The following CNTN4 variants were observed in gnomAD, a reference collection of about 807,000 sequenced individuals.
CNTN4 encodes contactin 4.
Under a neutral mutation model 122.5 loss-of-function variants are expected in CNTN4, and 77 were observed. The ratio of observed to expected loss-of-function variants is 0.63; its 90% confidence interval spans 0.52 to 0.76. The LOEUF (loss-of-function observed/expected upper bound fraction) is 0.76, where lower values mean the gene tolerates loss of function less well. Among genes scored for constraint, CNTN4 ranks in the 30% least tolerant of loss-of-function variants. The pLI, the probability that CNTN4 is intolerant of heterozygous loss-of-function variation, is 0.00. For missense variants in CNTN4, 1,256 were observed against 1,259.1 expected (o/e 1.00, Z 0.04); for synonymous variants, 512 against 447.0 (o/e 1.15, Z -1.83).
rs182189678 is a variant in CNTN4 at position 2,471,948 on chromosome 3, A to T, written c.-88-99468A>T. Among the ~76,000 whole-genome samples, 8 of 152,288 alleles carry T rather than the reference A, an allele frequency of 5.3e-5. No homozygotes were observed. In the East Asian group the frequency reaches 1.5e-3, roughly 29 times the overall value. On this transcript the variant is annotated intron_variant, in intron 3 of 24. Coordinates refer to ENST00000418658, the MANE Select transcript of CNTN4 (RefSeq NM_175607.3). The stretch of plus-strand genomic sequence containing the variant: ...AAAATGTGATCTGAGTAATTTTGAC[A>T]TCAAGAATCCCATAGATGTGAAGTA...
intron 2 of CNTN4, among the ~76,000 whole-genome samples, chr3:2,285,317 G>A (rs1458850727): frequency 1.3e-5 from 2 of 152,008 alleles, no homozygotes; most frequent in Non-Finnish European, 2.9e-5. Flanking sequence ...AACCAAAATA[G>A]TTTATCTGGT....
chr3:2,516,444 C>T (rs1401225268), intron 3 of CNTN4, among the ~76,000 whole-genome samples: 1 of 152,010 alleles, frequency 6.6e-6, no homozygotes, highest in Non-Finnish European at 1.5e-5. Flanking sequence ...CAAGCAGCTT[C>T]AGGGACATTG....
intron 6 of CNTN4, among the ~76,000 whole-genome samples, chr3:2,749,320 C>T (rs1225663028): frequency 1.5e-5 from 2 of 136,372 alleles, no homozygotes; most frequent in Admixed American, 1.7e-4. Context: ...ACCACCATGC[C>T]CAGATAAGTT....
At chr3:2,381,171 A>T (rs892984762) in intron 3 of CNTN4, among the ~76,000 whole-genome samples, 4 of 151,344 alleles carry the variant, frequency 2.6e-5, no homozygotes, top group African/African-American at 7.3e-5. Context: ...ACACCCGGCT[A>T]ATTTTTTTGT....
At chr3:2,416,640 G>A (rs901066657) in intron 3 of CNTN4, among the ~76,000 whole-genome samples, 5 of 152,048 alleles carry the variant, frequency 3.3e-5, no homozygotes, top group Non-Finnish European at 2.9e-5. Context: ...AAAAATCAGA[G>A]GGCTTTCCAG....
chr3:2,361,528 C>T (rs991833794), intron 3 of CNTN4, among the ~76,000 whole-genome samples: 7 of 152,164 alleles, frequency 4.6e-5, no homozygotes, highest in African/African-American at 1.7e-4. Flanking sequence ...ACCCTGGGGT[C>T]ATTCTGTGAC....
At chr3:2,529,026 G>A (rs953526172) in intron 3 of CNTN4, among the ~76,000 whole-genome samples, 2 of 152,146 alleles carry the variant, frequency 1.3e-5, no homozygotes, top group Non-Finnish European at 2.9e-5. Flanking sequence ...TACTCGTACA[G>A]TGCTATGGAA....
chr3:2,714,558 G>A (rs1056208738), intron 4 of CNTN4, among the ~76,000 whole-genome samples: 3 of 152,050 alleles, frequency 2.0e-5, no homozygotes, highest in East Asian at 1.9e-4. Flanking sequence ...GGAACCCATG[G>A]TCCAAAGACC....
intron 3 of CNTN4, among the ~76,000 whole-genome samples, chr3:2,534,914 A>G (rs2077740944): frequency 1.3e-5 from 2 of 148,550 alleles, no homozygotes; most frequent in South Asian, 4.3e-4. Context: ...AAGATTTAGC[A>G]TCTGAAACGA....
At chr3:2,936,234 A>G (rs922037254) in intron 13 of CNTN4, among the ~76,000 whole-genome samples, 7 of 152,138 alleles carry the variant, frequency 4.6e-5, no homozygotes, top group African/African-American at 1.7e-4. Context: ...TCAACTTCCT[A>G]AGGCAGTGTT....
intron 11 of CNTN4, among the ~76,000 whole-genome samples, chr3:2,902,590 T>A (rs905740925): frequency 1.3e-5 from 2 of 152,198 alleles, no homozygotes; most frequent in African/African-American, 4.8e-5. Context: ...CAAGTTATTC[T>A]ATTTAGAGAG....
At chr3:2,352,832 G>C (rs2044692510) in intron 3 of CNTN4, among the ~76,000 whole-genome samples, 1 of 152,206 alleles carries the variant, frequency 6.6e-6, no homozygotes, top group South Asian at 2.1e-4. Flanking sequence ...CTGGGCTGCT[G>C]AGTTTTTGAT....
chr3:2,943,630 A>ATTTTT (rs367606924), intron 13 of CNTN4, among the ~76,000 whole-genome samples: 49 of 128,216 alleles, frequency 3.8e-4, no homozygotes, highest in Admixed American at 1.9e-3. Context: ...ATATATATAT[A>ATTTTT]TTTTTTTTTT....
At chr3:2,674,851 G>C (rs530207496) in intron 4 of CNTN4, among the ~76,000 whole-genome samples, 11 of 151,224 alleles carry the variant, frequency 7.3e-5, no homozygotes, top group African/African-American at 2.7e-4. Context: ...CTGTGAATTT[G>C]GATCTGTTAA....
intron 12 of CNTN4, among the ~76,000 whole-genome samples, chr3:2,921,017 G>A (rs920489597): frequency 6.6e-6 from 1 of 152,112 alleles, no homozygotes; most frequent in Non-Finnish European, 1.5e-5. Context: ...GTCTCCTTGT[G>A]AATATCATTC....
chr3:2,344,788 C>A (rs1575422639), intron 3 of CNTN4, among the ~76,000 whole-genome samples: 1 of 152,202 alleles, frequency 6.6e-6, no homozygotes, highest in Middle Eastern at 3.4e-3. Context: ...AGGAAATAGA[C>A]CCTCCATAAC....
At chr3:2,937,290 C>G (rs2094575477) in intron 13 of CNTN4, among the ~76,000 whole-genome samples, 2 of 152,150 alleles carry the variant, frequency 1.3e-5, no homozygotes, top group African/African-American at 4.8e-5. Context: ...TACCTCCCAA[C>G]TTTTGCCAGG....
intron 3 of CNTN4, among the ~76,000 whole-genome samples, chr3:2,474,330 T>A (rs1182253110): frequency 6.6e-6 from 1 of 152,180 alleles, no homozygotes; most frequent in Non-Finnish European, 1.5e-5. Context: ...CTAGCACTTC[T>A]TGAACACTCA....
intron 3 of CNTN4, among the ~76,000 whole-genome samples, chr3:2,347,408 A>ATTT (rs1247473844): frequency 2.3e-5 from 1 of 43,702 alleles, no homozygotes; most frequent in Non-Finnish European, 5.2e-5. Context: ...AGGAAATACA[A>ATTT]TCTTTTTTTT....
Sources: allele counts gnomAD v4.1 joint callset (sites outside exome capture counted in the v4.1 genomes callset), GRCh38; gene constraint gnomAD v4.1.1; transcripts MANE v1.5; gene names NCBI Gene and HGNC (gene_info 2026-07-23, HGNC 2026-07-21).